Variants in PBX1 observed in about 807,000 individuals in gnomAD.
PBX1 encodes PBX homeobox 1.
PBX1 carries 6 observed loss-of-function variants against 53.4 expected under a neutral mutation model. The observed-to-expected ratio is 0.11, with a 90% CI of 0.06 to 0.22. The LOEUF (loss-of-function observed/expected upper bound fraction) is 0.22. Among genes scored for constraint, PBX1 ranks in the 10% least tolerant of loss-of-function variants. The pLI, the probability that PBX1 is intolerant of heterozygous loss-of-function variation, is 1.00. For synonymous variants in PBX1, 204 were observed against 212.3 expected, an observed-to-expected ratio of 0.96 and a Z score of 0.34; for missense variants, 251 against 551.4, an observed-to-expected ratio of 0.46 and a Z score of 5.46.
intron 2 of PBX1, among the ~76,000 whole-genome samples, chr1:164,693,201 G>A (rs1199716574): frequency 6.6e-6 from 1 of 152,218 alleles, no homozygotes; most frequent in Non-Finnish European, 1.5e-5. Context: ...TGTACAAGAT[G>A]AGCTGTCTCT....
At chr1:164,741,094 G>A (rs150415853) in intron 2 of PBX1, among the ~76,000 whole-genome samples, 39 of 152,234 alleles carry the variant, frequency 2.6e-4, no homozygotes, top group Non-Finnish European at 1.2e-4. Context: ...AGGATTAATC[G>A]TTTTGCCTAT....
chr1:164,569,595 A>G lies in PBX1; in HGVS notation c.265+6284A>G, dbSNP rs187401773. ...TTTTTTTTTTTTTTTTTTTTTGTCA[A>G]GAGTCTCACTCTATCTCCCAGGTTG... On this transcript the variant is annotated intron_variant, in intron 2 of 8. Coordinates refer to ENST00000420696, the MANE Select transcript of PBX1 (RefSeq NM_002585.4). 5.4e-3 allele frequency among the ~76,000 whole-genome samples: 491 copies of G among 90,958 alleles called. 2 individuals carry two copies. Among genetic ancestry groups the G allele is most frequent in the African/African-American group, 0.021 (478 of 22,388 alleles). 59.7% of individuals were successfully genotyped at this position (90,958 alleles called of 152,430 possible).
chr1:164,770,775 T>G (rs1667326876), intron 2 of PBX1: 1 of 152,142 alleles, frequency 6.6e-6, no homozygotes, highest in South Asian at 2.1e-4. Context: ...AAAATATTGG[T>G]GTTAATTACA....
intron 2 of PBX1, among the ~76,000 whole-genome samples, chr1:164,593,221 G>T (rs921410370): frequency 2.0e-5 from 3 of 152,148 alleles, no homozygotes; most frequent in African/African-American, 7.2e-5. Flanking sequence ...GCCTTGCAAA[G>T]TGCGGGAATA....
intron 2 of PBX1, among the ~76,000 whole-genome samples, chr1:164,712,176 T>TA: frequency 2.0e-5 from 1 of 49,578 alleles, no homozygotes. Context: ...GAAGAAGAGA[T>TA]TAAAAAAAAA....
chr1:164,731,067 G>A (rs367619729), intron 2 of PBX1, among the ~76,000 whole-genome samples: 1 of 151,332 alleles, frequency 6.6e-6, no homozygotes, highest in African/African-American at 2.4e-5. Flanking sequence ...CCGTGTTTAT[G>A]TGTGTGTGTG....
At chr1:164,675,530 G>C (rs1661382765) in intron 2 of PBX1, among the ~76,000 whole-genome samples, 1 of 152,172 alleles carries the variant, frequency 6.6e-6, no homozygotes. Context: ...GCCAGCCAGA[G>C]TCAGTGCAGG....
Position 164,847,827 on chromosome 1 carries a change from C to T in PBX1, c.*1151C>T, listed in dbSNP as rs1671647615. 2 of 1,055,296 alleles carry T rather than the reference C, an allele frequency of 1.9e-6. No homozygotes were observed. Among genetic ancestry groups the T allele is most frequent in the South Asian group, 4.6e-5 (1 of 21,888 alleles). 65.4% of individuals were successfully genotyped at this position (1,055,296 alleles called of 1,614,324 possible). On this transcript the variant is annotated 3_prime_UTR_variant, in exon 9 of 9. Transcript: ENST00000420696. ...GGACCTGCAGGCCCACTAGCGTGCA[C>T]TTACCAGAATGGCATACACAGGACC... is the stretch of plus-strand genomic sequence containing the variant.
chr1:164,703,758 A>T (rs1465658955), intron 2 of PBX1, among the ~76,000 whole-genome samples: 3 of 152,204 alleles, frequency 2.0e-5, no homozygotes, highest in Non-Finnish European at 4.4e-5. Context: ...ATGTTCTCAG[A>T]TCTAAGAGAG....
chr1:164,852,216 C>T (rs1204508158), downstream of PBX1, among the ~76,000 whole-genome samples: 2 of 152,146 alleles, frequency 1.3e-5, no homozygotes, highest in Non-Finnish European at 1.5e-5. Context: ...CTGCTGTGAT[C>T]TGGTCATAAG....
rs377078800 is a variant in PBX1, at chr1:164,559,652, T to G, written c.-171T>G. 9.1e-4 allele frequency: 273 copies of G among 301,614 alleles called. 4 individuals are homozygous for G. The East Asian group carries it at 0.017, about 19-fold the overall frequency. 18.7% of individuals were successfully genotyped at this position (301,614 alleles called of 1,614,324 possible). The stretch of plus-strand genomic sequence containing the variant: ...CCCTCCTCATCCTCCCACCATCCTC[T>G]AAAGAGGCAAAGGGATTTTTTTTTT... On this transcript the variant is annotated 5_prime_UTR_variant, in exon 1 of 9. Coordinates refer to ENST00000420696, the MANE Select transcript of PBX1 (RefSeq NM_002585.4).
At chr1:164,826,267 A>G (rs941441061) in intron 8 of PBX1, among the ~76,000 whole-genome samples, 16 of 150,090 alleles carry the variant, frequency 1.1e-4, no homozygotes, top group African/African-American at 4.0e-4. Flanking sequence ...AGCCAACCCC[A>G]GTGTTCAAAT....
intron 2 of PBX1, among the ~76,000 whole-genome samples, chr1:164,716,133 T>C (rs934136826): frequency 6.6e-6 from 1 of 152,190 alleles, no homozygotes; most frequent in African/African-American, 2.4e-5. Flanking sequence ...AGCAAGATGT[T>C]TTCAGATCAT....
At chr1:164,786,141 A>G (rs1164745142) in intron 2 of PBX1, among the ~76,000 whole-genome samples, 1 of 152,156 alleles carries the variant, frequency 6.6e-6, no homozygotes, top group African/African-American at 2.4e-5. Context: ...TGAGAACAGG[A>G]AGCTGAGGCA....
chr1:164,629,449 C>T (rs1020035725), intron 2 of PBX1, among the ~76,000 whole-genome samples: 2 of 152,140 alleles, frequency 1.3e-5, no homozygotes, highest in Non-Finnish European at 2.9e-5. Context: ...AGCAGACCTA[C>T]CTTCTCCCTG....
rs1422661683 is a variant in PBX1, at chr1:164,729,006, AG to A, written c.266-63486del. Reference sequence around the variant, plus strand: ...CTGGTAGGCTCCTCAGCATTGTGTTAGGCGTTTATACTCTTCTCTGTTCAAC... The same window carrying A: ...CTGGTAGGCTCCTCAGCATTGTGTTAGCGTTTATACTCTTCTCTGTTCAAC... On this transcript the variant is annotated intron_variant, in intron 2 of 8. Transcript: ENST00000420696. Among the ~76,000 whole-genome samples, 6 of 152,314 alleles carry A rather than the reference AG, an allele frequency of 3.9e-5. No homozygotes were observed. The East Asian group carries it at 1.2e-3, about 29-fold the overall frequency.
intron 2 of PBX1, among the ~76,000 whole-genome samples, chr1:164,745,144 A>G (rs1665826841): frequency 6.6e-6 from 1 of 152,174 alleles, no homozygotes; most frequent in South Asian, 2.1e-4. Flanking sequence ...GCTATGCCAC[A>G]TTGCCTCTCC....
chr1:164,727,989 C>T (rs1664785109), intron 2 of PBX1, among the ~76,000 whole-genome samples: 4 of 152,134 alleles, frequency 2.6e-5, no homozygotes, highest in Admixed American at 2.6e-4. Flanking sequence ...GTGGAGATAG[C>T]GCCTTCCTAT....
At chr1:164,823,354 T>A (rs553582709) in intron 8 of PBX1, among the ~76,000 whole-genome samples, 1 of 152,128 alleles carries the variant, frequency 6.6e-6, no homozygotes, top group African/African-American at 2.4e-5. Flanking sequence ...TGCAGGTTTA[T>A]ACACACATGC....
Sources: allele counts gnomAD v4.1 joint callset (sites outside exome capture counted in the v4.1 genomes callset), GRCh38; gene constraint gnomAD v4.1.1; transcripts MANE v1.5; gene names NCBI Gene and HGNC (gene_info 2026-07-23, HGNC 2026-07-21).